The following ADGRL3 variants were observed in gnomAD, a reference collection of about 807,000 sequenced individuals.
ADGRL3 encodes adhesion G protein-coupled receptor L3, also known as calcium-independent alpha-latrotoxin receptor 3.
In ADGRL3, 62 loss-of-function variants were observed where a neutral mutation model predicts 153.5. The ratio of observed to expected loss-of-function variants is 0.40; its 90% confidence interval spans 0.33 to 0.50. The LOEUF (loss-of-function observed/expected upper bound fraction) is 0.50. Ranked by LOEUF, ADGRL3 falls within the 20% of genes least tolerant of loss-of-function variation. The probability of loss-of-function intolerance (pLI) is 0.47; values close to 1 mark genes in which losing one functional copy is unlikely to be tolerated. For missense variants in ADGRL3, 1,641 were observed against 1,859.4 expected, an observed-to-expected ratio of 0.88 and a Z score of 2.16; for synonymous variants, 710 against 672.5, an observed-to-expected ratio of 1.06 and a Z score of -0.86.
chr4:61,203,263 G>C (rs915682223), intron 1 of ADGRL3, among the ~76,000 whole-genome samples: 1 of 152,206 alleles, frequency 6.6e-6, no homozygotes, highest in Non-Finnish European at 1.5e-5. Context: ...GCAGTTGGGA[G>C]AACTCGAGGC....
intron 2 of ADGRL3, among the ~76,000 whole-genome samples, chr4:61,467,582 G>A (rs978034273): frequency 6.6e-6 from 1 of 151,848 alleles, no homozygotes; most frequent in Admixed American, 6.6e-5. Flanking sequence ...TAAAAACTGT[G>A]TCCATGAAAA....
At chr4:61,744,806 A>G (rs1171069697) in intron 8 of ADGRL3, among the ~76,000 whole-genome samples, 3 of 152,112 alleles carry the variant, frequency 2.0e-5, no homozygotes, top group African/African-American at 2.4e-5. Flanking sequence ...AAAGCAGAGC[A>G]CCTCTCCCCC....
intron 14 of ADGRL3, 107 bp downstream of exon 14, chr4:61,935,130 A>G (rs1323532059): frequency 2.2e-6 from 2 of 891,118 alleles, no homozygotes; most frequent in South Asian, 1.7e-5. Context: ...CTTTATTTCA[A>G]TGGAGAAAAG....
At chr4:61,260,203 G>A (rs1578014543) in intron 1 of ADGRL3, among the ~76,000 whole-genome samples, 2 of 152,118 alleles carry the variant, frequency 1.3e-5, no homozygotes, top group African/African-American at 2.4e-5. Flanking sequence ...GAAACCTAAC[G>A]ATGGTTGTTT....
chr4:61,563,205 A>G (rs1235846219), intron 4 of ADGRL3, among the ~76,000 whole-genome samples: 2 of 152,166 alleles, frequency 1.3e-5, no homozygotes, highest in African/African-American at 4.8e-5. Flanking sequence ...GAACATCTCC[A>G]TCGGAGCTCC....
intron 24 of ADGRL3, among the ~76,000 whole-genome samples, chr4:62,038,775 A>C (rs2151605064): frequency 6.6e-6 from 1 of 151,974 alleles, no homozygotes; most frequent in Non-Finnish European, 1.5e-5. Flanking sequence ...CGCCCAGATA[A>C]TTTTTGTGTT....
chr4:61,496,684 G>C (rs747677148), intron 2 of ADGRL3, among the ~76,000 whole-genome samples: 1 of 151,996 alleles, frequency 6.6e-6, no homozygotes, highest in Non-Finnish European at 1.5e-5. Flanking sequence ...GCTCACGCCT[G>C]TAATCCCTGC....
intron 8 of ADGRL3, among the ~76,000 whole-genome samples, chr4:61,774,441 T>C (rs893710270): frequency 1.3e-5 from 2 of 151,774 alleles, no homozygotes; most frequent in African/African-American, 4.8e-5. Flanking sequence ...AATACGATTT[T>C]TTAGAAAAAC....
chr4:61,565,237 C>CA (rs1177538916), intron 4 of ADGRL3, among the ~76,000 whole-genome samples: 1 of 152,108 alleles, frequency 6.6e-6, no homozygotes, highest in Non-Finnish European at 1.5e-5. Flanking sequence ...CACACACATA[C>CA]ACTGACATAA....
chr4:62,034,882 T>G (rs986103032), intron 23 of ADGRL3, among the ~76,000 whole-genome samples: 2 of 151,894 alleles, frequency 1.3e-5, no homozygotes, highest in Non-Finnish European at 2.9e-5. Flanking sequence ...ACAATCATTT[T>G]ATTTCTGATA....
At chr4:61,643,631 G>A (rs2093803552) in intron 5 of ADGRL3, among the ~76,000 whole-genome samples, 2 of 144,776 alleles carry the variant, frequency 1.4e-5, no homozygotes, top group African/African-American at 2.6e-5. Flanking sequence ...GCATCCCAGG[G>A]ATGAAGCCCA....
intron 4 of ADGRL3, among the ~76,000 whole-genome samples, chr4:61,576,002 A>G (rs186268323): frequency 2.0e-5 from 3 of 152,142 alleles, no homozygotes; most frequent in East Asian, 3.9e-4. Flanking sequence ...TCATTTCATG[A>G]CAGTTTTCCA....
chr4:61,830,765 A>G (rs1234125703), intron 9 of ADGRL3, among the ~76,000 whole-genome samples: 1 of 152,240 alleles, frequency 6.6e-6, no homozygotes, highest in Non-Finnish European at 1.5e-5. Flanking sequence ...AATCTACAAT[A>G]GACATATTAG....
chr4:61,912,718 G>A lies in ADGRL3; in HGVS notation c.2074-1G>A. 1 of 1,612,988 alleles carries A rather than the reference G, an allele frequency of 6.2e-7. No homozygotes were observed. The highest frequency in any genetic ancestry group is 8.5e-7 in the Non-Finnish European group (1 of 1,179,286). On this transcript the variant is annotated splice_acceptor_variant, in intron 12 of 26. Coordinates refer to ENST00000683033, the MANE Select transcript of ADGRL3 (RefSeq NM_001387552.1). LOFTEE classifies it high-confidence loss of function. The stretch of plus-strand genomic sequence containing the variant: ...TTAATCTGCTGTCTTAATGGATTCA[G>A]CTTCAGAAAAGAGAGCGCTCTTGCA...
intron 3 of ADGRL3, among the ~76,000 whole-genome samples, chr4:61,503,489 A>C (rs1343288334): frequency 6.6e-6 from 1 of 151,996 alleles, no homozygotes; most frequent in Non-Finnish European, 1.5e-5. Flanking sequence ...TTGTTTTCTT[A>C]TTCTTTGGAT....
Position 61,844,816 on chromosome 4 carries a change from CCTT to C in ADGRL3, c.1480+30934_1480+30936del, listed in dbSNP as rs529193485. On this transcript the variant is annotated intron_variant, in intron 9 of 26. Transcript: ENST00000683033. Reference sequence around the variant, plus strand: ...TACTTTCACTGCTTTTGGACTGCTTCCTTCTTCTTTGACCAGCTCCCTCACTCC... The same window carrying C: ...TACTTTCACTGCTTTTGGACTGCTTCCTTCTTTGACCAGCTCCCTCACTCC... Among the ~76,000 whole-genome samples, 249 of 151,804 alleles carry C rather than the reference CCTT, an allele frequency of 1.6e-3. 1 individual carries two copies. Among genetic ancestry groups the C allele is most frequent in the African/African-American group, 5.9e-3 (243 of 41,384 alleles).
intron 4 of ADGRL3, among the ~76,000 whole-genome samples, chr4:61,526,810 C>T (rs1225750527): frequency 5.9e-5 from 9 of 151,674 alleles, no homozygotes; most frequent in Non-Finnish European, 2.9e-5. Flanking sequence ...ATGTTTAATT[C>T]GAGGAATGTT....
At chr4:61,764,028 G>A (rs2096943399) in intron 8 of ADGRL3, among the ~76,000 whole-genome samples, 1 of 152,072 alleles carries the variant, frequency 6.6e-6, no homozygotes, top group Non-Finnish European at 1.5e-5. Context: ...ACATATCCAA[G>A]TCATGTGAAC....
At chr4:61,691,738 AT>A (rs566000893) in intron 6 of ADGRL3, among the ~76,000 whole-genome samples, 373 of 152,288 alleles carry the variant, frequency 2.4e-3, no homozygotes, top group Middle Eastern at 6.8e-3. Flanking sequence ...AAATTACTGT[AT>A]TCTTCTGATG....
Sources: allele counts gnomAD v4.1 joint callset (sites outside exome capture counted in the v4.1 genomes callset), GRCh38; gene constraint gnomAD v4.1.1; transcripts MANE v1.5; gene names NCBI Gene and HGNC (gene_info 2026-07-23, HGNC 2026-07-21).